PIGK: variants seen among roughly 807,000 people sequenced by gnomAD.
The protein encoded by PIGK is phosphatidylinositol glycan anchor biosynthesis class K, also known as GPI-anchor transamidase.
A neutral mutation model predicts 50.6 loss-of-function variants in PIGK; 42 were observed. The observed-to-expected ratio is 0.83, with a 90% CI of 0.65 to 1.07. The LOEUF (loss-of-function observed/expected upper bound fraction) is 1.07. Ranked by LOEUF, PIGK falls within the 50% of genes least tolerant of loss-of-function variation. PIGK has a pLI of 0.00. For missense variants in PIGK, 448 were observed against 488.7 expected, an observed-to-expected ratio of 0.92 and a Z score of 0.78; for synonymous variants, 151 against 156.0, an observed-to-expected ratio of 0.97 and a Z score of 0.24.
At chr1:77,143,877 A>G (rs919245403) in intron 9 of PIGK, among the ~76,000 whole-genome samples, 2 of 152,124 alleles carry the variant, frequency 1.3e-5, no homozygotes, top group Admixed American at 1.3e-4. Flanking sequence ...ATTAATTTTT[A>G]TCAGTGTGTG....
chr1:77,114,062 T>C (rs1332705875), intron 10 of PIGK, among the ~76,000 whole-genome samples: 2 of 152,288 alleles, frequency 1.3e-5, no homozygotes, highest in Admixed American at 1.3e-4. Context: ...ATATTTATTC[T>C]TCCAAAATAC....
chr1:77,158,291 A>G (rs750905530), intron 8 of PIGK, among the ~76,000 whole-genome samples: 1 of 152,032 alleles, frequency 6.6e-6, no homozygotes, highest in Non-Finnish European at 1.5e-5. Flanking sequence ...TGCTGGGATT[A>G]CAGGCATGAG....
intron 4 of PIGK, among the ~76,000 whole-genome samples, chr1:77,167,548 A>C (rs1197063253): frequency 6.6e-6 from 1 of 151,866 alleles, no homozygotes; most frequent in Non-Finnish European, 1.5e-5. Flanking sequence ...GTTCAAAAAC[A>C]GCCTGGACAA....
intron 9 of PIGK, among the ~76,000 whole-genome samples, chr1:77,152,318 T>C (rs773929511): frequency 6.6e-6 from 1 of 151,890 alleles, no homozygotes; most frequent in South Asian, 2.1e-4. Context: ...TGAAACTAGA[T>C]CCCCAACTTT....
rs188156902 is a variant in PIGK, at chr1:77,139,988, T to A, written c.986+14461A>T. 8.2e-4 allele frequency among the ~76,000 whole-genome samples: 125 copies of A among 152,300 alleles called. 1 individual carries two copies. The highest frequency in any genetic ancestry group is 1.5e-5 in the Non-Finnish European group (1 of 68,028). ...TTTATTGAGAAATGTTTCCTTCTAA[T>A]GAAATGTGAAACTATGAATGCCAAA... On this transcript the variant is annotated intron_variant, in intron 9 of 10. Transcript: ENST00000370812.
At chr1:77,200,580 A>C (rs1160414621) in intron 3 of PIGK, among the ~76,000 whole-genome samples, 1 of 152,108 alleles carries the variant, frequency 6.6e-6, no homozygotes, top group Non-Finnish European at 1.5e-5. Context: ...ATGAGTGTGC[A>C]TAATTGTAGT....
chr1:77,178,059 A>T (rs541821075), intron 3 of PIGK, among the ~76,000 whole-genome samples: 4 of 152,360 alleles, frequency 2.6e-5, no homozygotes, highest in African/African-American at 7.2e-5. Context: ...CTCTATGAAC[A>T]ATAGAAATAA....
chr1:77,097,334 T>A (rs1201990431), intron 10 of PIGK, among the ~76,000 whole-genome samples: 1 of 152,140 alleles, frequency 6.6e-6, no homozygotes, highest in Non-Finnish European at 1.5e-5. Context: ...AGAAACTAAC[T>A]CATCTAGCTT....
chr1:77,174,690 G>C (rs1180054892), intron 3 of PIGK, among the ~76,000 whole-genome samples: 1 of 152,102 alleles, frequency 6.6e-6, no homozygotes, highest in Non-Finnish European at 1.5e-5. Flanking sequence ...ACACCCATGG[G>C]AGCTTGGCTG....
chr1:77,176,305 A>G (rs1655489281), intron 3 of PIGK, among the ~76,000 whole-genome samples: 2 of 152,316 alleles, frequency 1.3e-5, no homozygotes, highest in Middle Eastern at 3.4e-3. Context: ...AAGAATCCAA[A>G]AGACAGGTAA....
chr1:77,139,489 G>A lies in PIGK; in HGVS notation c.986+14960C>T, dbSNP rs913389130. 4.6e-5 allele frequency among the ~76,000 whole-genome samples: 7 copies of A among 152,196 alleles called. 1 individual carries two copies. The highest frequency in any genetic ancestry group is 7.2e-5 in the African/African-American group (3 of 41,534). On this transcript the variant is annotated intron_variant, in intron 9 of 10. Coordinates refer to ENST00000370812, the MANE Select transcript of PIGK (RefSeq NM_005482.3). Reference sequence around the variant, plus strand: ...AGAAAGGGCTCCCATAGACACTCCCGCTTTTTAAAGTAAATCTATACTGTC... The same window carrying A: ...AGAAAGGGCTCCCATAGACACTCCCACTTTTTAAAGTAAATCTATACTGTC...
At position 77,211,554 on chromosome 1, in the gene PIGK, A is replaced by C. The variant is rs192293058; in HGVS notation, c.94-1065T>G. Among the ~76,000 whole-genome samples the C allele has an allele frequency of 3.2e-4, 48 of 152,150 alleles. No individual in the cohort carries two copies. In the East Asian group the frequency reaches 3.9e-3, roughly 12 times the overall value. Reference sequence around the variant, plus strand: ...TCACTTTTAGTAATGCCATACAGATAATTTTTATCCTCGTGAATTGCTTGT... The same window carrying C: ...TCACTTTTAGTAATGCCATACAGATCATTTTTATCCTCGTGAATTGCTTGT... On this transcript the variant is annotated intron_variant, in intron 1 of 10. Transcript: ENST00000370812.
At chr1:77,214,287 A>T (rs2100590561) in intron 1 of PIGK, among the ~76,000 whole-genome samples, 1 of 152,356 alleles carries the variant, frequency 6.6e-6, no homozygotes, top group East Asian at 1.9e-4. Context: ...CTTCAACAAA[A>T]TACTAGCAAA....
intron 9 of PIGK, among the ~76,000 whole-genome samples, chr1:77,136,210 T>G (rs1310641062): frequency 6.6e-6 from 1 of 152,316 alleles, no homozygotes; most frequent in East Asian, 1.9e-4. Context: ...CTGTACTATC[T>G]TTTGGTTTCC....
intron 10 of PIGK, among the ~76,000 whole-genome samples, chr1:77,093,830 C>T (rs1017951865): frequency 6.6e-6 from 1 of 152,076 alleles, no homozygotes; most frequent in African/African-American, 2.4e-5. Context: ...AGTCCTTGCC[C>T]TCTAATATCC....
At chr1:77,216,679 T>C (rs1030837712) in intron 1 of PIGK, among the ~76,000 whole-genome samples, 3 of 151,926 alleles carry the variant, frequency 2.0e-5, no homozygotes, top group Admixed American at 6.6e-5. Context: ...ACTCAACAGC[T>C]GCCTGGATGT....
intron 3 of PIGK, among the ~76,000 whole-genome samples, chr1:77,203,083 C>T (rs1656207349): frequency 6.6e-6 from 1 of 152,124 alleles, no homozygotes; most frequent in African/African-American, 2.4e-5. Flanking sequence ...AAGTAAACCA[C>T]TTTATTCACT....
At chr1:77,177,807 A>G (rs1004426904) in intron 3 of PIGK, among the ~76,000 whole-genome samples, 1 of 152,028 alleles carries the variant, frequency 6.6e-6, no homozygotes, top group Non-Finnish European at 1.5e-5. Flanking sequence ...CACCATCCAC[A>G]CTGCAACAAA....
intron 9 of PIGK, among the ~76,000 whole-genome samples, chr1:77,139,333 A>C (rs1378688707): frequency 6.6e-6 from 1 of 151,692 alleles, no homozygotes; most frequent in Non-Finnish European, 1.5e-5. Flanking sequence ...CTACTAGATA[A>C]AAAGACCAAT....
Sources: gnomAD v4.1 joint callset for allele counts (sites outside exome capture counted in the v4.1 genomes callset) on GRCh38, gnomAD v4.1.1 for gene constraint, MANE v1.5 for transcripts, NCBI Gene and HGNC (gene_info 2026-07-23, HGNC 2026-07-21) for gene names.